Variants in PLCB4 observed in about 807,000 individuals in gnomAD.
The protein encoded by PLCB4 is phospholipase C beta 4.
Under a neutral mutation model 178.8 loss-of-function variants are expected in PLCB4, and 77 were observed. The ratio of observed to expected loss-of-function variants is 0.43; its 90% CI spans 0.36 to 0.52. PLCB4 has a LOEUF of 0.52. PLCB4 is among the 20% of genes least tolerant of loss of function. The pLI is 0.00. For synonymous variants in PLCB4, 496 were observed against 490.8 expected, an observed-to-expected ratio of 1.01 and a Z score of -0.14; for missense variants, 1,024 against 1,453.4, an observed-to-expected ratio of 0.70 and a Z score of 4.80.
chr20:9,477,440 C>A (rs560149665), intron 39 of PLCB4, among the ~76,000 whole-genome samples: 2 of 152,270 alleles, frequency 1.3e-5, no homozygotes, highest in Admixed American at 1.3e-4. Context: ...TCCTATGATT[C>A]TTCCTTCTAC....
intron 25 of PLCB4, among the ~76,000 whole-genome samples, chr20:9,412,656 TC>T (rs1032332165): frequency 3.3e-5 from 5 of 152,118 alleles, no homozygotes; most frequent in Non-Finnish European, 7.3e-5. Flanking sequence ...TTAGTGAAAA[TC>T]CCCAGCCCTT....
chr20:9,264,900 G>T lies in PLCB4; in HGVS notation c.-15-42900G>T, dbSNP rs1371941312. Among the ~76,000 whole-genome samples the T allele has an allele frequency of 2.6e-5, 4 of 152,146 alleles. No individual in the cohort carries two copies. The South Asian group carries it at 8.3e-4, about 32-fold the overall frequency. On this transcript the variant is annotated intron_variant, in intron 3 of 39. Transcript: ENST00000378473. ...CAGTGTCAAGAGACATCATCCTGTCGACCGTTTACCAAACAGGTGTGGATG... is the reference window on the plus strand; with the variant it reads ...CAGTGTCAAGAGACATCATCCTGTCTACCGTTTACCAAACAGGTGTGGATG...
At chr20:9,088,386 T>A (rs1437647692) in intron 1 of PLCB4, among the ~76,000 whole-genome samples, 1 of 152,130 alleles carries the variant, frequency 6.6e-6, no homozygotes, top group African/African-American at 2.4e-5. Flanking sequence ...ATTGAAACAT[T>A]AGCAGAAAAT....
rs1215269949 is a variant in PLCB4 at position 9,478,924 on chromosome 20, A to G, written c.3536A>G (p.Glu1179Gly). The change falls in exon 40 of 40, where the codon GAA becomes GGA. Residue 1179 changes from glutamate to glycine, a missense_variant. By Grantham distance (98) the Glu-to-Gly change is moderately conservative (BLOSUM62 -2). Coordinates refer to ENST00000378473, the MANE Select transcript of PLCB4 (RefSeq NM_001377142.1). ...GGCCATGTTTCTGATGTTATAGGCG[A>G]AGGAGATGCAGCAGATGGTGAAATT... ...SCHAVSQTQGEGDAADGEIGS... is the reference protein window; with the variant it reads ...SCHAVSQTQGGGDAADGEIGS... The G allele has an allele frequency of 2.5e-6, 4 of 1,612,698 alleles. No homozygotes were observed. In the East Asian group the frequency reaches 8.9e-5, roughly 36 times the overall value.
At chr20:9,473,390 A>G in intron 38 of PLCB4, 25 bp downstream of exon 38, 1 of 1,362,554 alleles carries the variant, frequency 7.3e-7, no homozygotes, top group Non-Finnish European at 1.0e-6. Context: ...ATACGTAAAA[A>G]CATGCAGGCA....
At chr20:9,135,223 ATTTAAC>A (rs995347603) in intron 2 of PLCB4, among the ~76,000 whole-genome samples, 15 of 152,120 alleles carry the variant, frequency 9.9e-5, no homozygotes, top group African/African-American at 3.1e-4. Context: ...CAAATATACA[ATTTAAC>A]TTTAACGATT....
chr20:9,401,646 A>G, intron 20 of PLCB4, 56 bp downstream of exon 20: 1 of 1,228,518 alleles, frequency 8.1e-7, no homozygotes, highest in Admixed American at 1.8e-5. Flanking sequence ...TATTTATGAA[A>G]TTTTGGAAAT....
intron 3 of PLCB4, among the ~76,000 whole-genome samples, chr20:9,269,958 A>G (rs1349075199): frequency 1.3e-5 from 2 of 152,170 alleles, no homozygotes; most frequent in African/African-American, 4.8e-5. Context: ...ACTCAGATGC[A>G]TAGGAGTCTT....
At position 9,384,131 on chromosome 20, in the gene PLCB4, T is replaced by G; in HGVS notation, c.854-70T>G. On this transcript the variant is annotated intron_variant, in intron 13 of 39. Coordinates refer to ENST00000378473, the MANE Select transcript of PLCB4 (RefSeq NM_001377142.1). ...TCTTATAATTTAAGCTGCCTCAGCT[T>G]CCATGAATAAAACATGAGATATGCA... 5 of 1,171,906 alleles carry G rather than the reference T, an allele frequency of 4.3e-6. No homozygotes were observed. In the Admixed American group the frequency reaches 6.9e-5, roughly 16 times the overall value. The allele number at this position is 1,171,906 out of a possible 1,614,324, so 72.6% of individuals were successfully genotyped here.
chr20:9,317,890 G>A (rs2094917434), intron 4 of PLCB4, among the ~76,000 whole-genome samples: 1 of 152,202 alleles, frequency 6.6e-6, no homozygotes, highest in African/African-American at 2.4e-5. Context: ...CTTGAGGTCA[G>A]GAGTTGGAGA....
At chr20:9,171,439 A>G (rs1001755799) in intron 2 of PLCB4, among the ~76,000 whole-genome samples, 1 of 152,182 alleles carries the variant, frequency 6.6e-6, no homozygotes, top group African/African-American at 2.4e-5. Flanking sequence ...AAAAATTAAA[A>G]CCAGAGACCA....
chr20:9,205,273 G>A (rs2093602373), intron 2 of PLCB4, among the ~76,000 whole-genome samples: 1 of 152,124 alleles, frequency 6.6e-6, no homozygotes, highest in African/African-American at 2.4e-5. Flanking sequence ...CTCCACTGTA[G>A]GCCAATGTAA....
intron 7 of PLCB4, among the ~76,000 whole-genome samples, chr20:9,339,781 C>G (rs947023890): frequency 6.6e-6 from 1 of 152,188 alleles, no homozygotes; most frequent in African/African-American, 2.4e-5. Flanking sequence ...TCCAAACCCC[C>G]CCTCCCAATA....
rs1380260920 is a variant in PLCB4 at position 9,235,824 on chromosome 20, C to T, written c.-16+18372C>T. On this transcript the variant is annotated intron_variant, in intron 3 of 39. Transcript: ENST00000378473. The stretch of plus-strand genomic sequence containing the variant: ...ACAGTCATTGTTTTTGGCATCTTCA[C>T]GAGTGGTCTGGATTTTGTTATTAAC... Among the ~76,000 whole-genome samples, 5 of 152,184 alleles carry T rather than the reference C, an allele frequency of 3.3e-5. No individual in the cohort carries two copies. The East Asian group carries it at 7.7e-4, about 23-fold the overall frequency.
At position 9,411,094 on chromosome 20, in the gene PLCB4, T is replaced by C; in HGVS notation, c.2051+6T>C. The C allele has an allele frequency of 6.3e-7, 1 of 1,590,140 alleles. No homozygotes were observed. The highest frequency in any genetic ancestry group is 8.6e-7 in the Non-Finnish European group (1 of 1,158,856). On this transcript the variant is annotated splice_donor_region_variant and intron_variant, in intron 25 of 39. Transcript: ENST00000378473. Reference sequence around the variant, plus strand: ...GAGTATAATGGATCGTGCGGGTGAGTAATATGATTTAAACTGTTTTCACCT... The same window carrying C: ...GAGTATAATGGATCGTGCGGGTGAGCAATATGATTTAAACTGTTTTCACCT...
intron 2 of PLCB4, among the ~76,000 whole-genome samples, chr20:9,187,908 T>C (rs188339389): frequency 6.6e-6 from 1 of 152,324 alleles, no homozygotes; most frequent in East Asian, 1.9e-4. Flanking sequence ...ATTATTCTTA[T>C]AGGTCTCTCA....
chr20:9,232,767 A>G (rs1305030518), intron 3 of PLCB4, among the ~76,000 whole-genome samples: 1 of 152,122 alleles, frequency 6.6e-6, no homozygotes, highest in Admixed American at 6.6e-5. Flanking sequence ...AAGTGGGTAA[A>G]TTTTTGTGTA....
intron 3 of PLCB4, among the ~76,000 whole-genome samples, chr20:9,307,504 C>T (rs1050380807): frequency 0.01 from 685 of 66,786 alleles, 14 homozygotes; most frequent in African/African-American, 0.022. Flanking sequence ...TACACACACA[C>T]ACACACACAC....
chr20:9,185,113 G>T (rs2093311395), intron 2 of PLCB4, among the ~76,000 whole-genome samples: 1 of 152,238 alleles, frequency 6.6e-6, no homozygotes, highest in South Asian at 2.1e-4. Flanking sequence ...ATGTAGTGCA[G>T]GTTGGTCTCG....
Sources: allele counts gnomAD v4.1 joint callset (sites outside exome capture counted in the v4.1 genomes callset), GRCh38; gene constraint gnomAD v4.1.1; transcripts MANE v1.5; gene names NCBI Gene and HGNC (gene_info 2026-07-23, HGNC 2026-07-21).